KDM5A: variants seen among roughly 807,000 people sequenced by gnomAD.
KDM5A encodes the protein lysine demethylase 5A.
A neutral mutation model predicts 193.5 loss-of-function variants in KDM5A; 42 were observed. That is an observed-to-expected ratio of 0.22 (90% CI 0.17 to 0.28). KDM5A has a LOEUF of 0.28. KDM5A is among the 10% of genes least tolerant of loss of function. KDM5A has a pLI of 1.00. For synonymous variants in KDM5A, 796 were observed against 718.1 expected, an observed-to-expected ratio of 1.11 and a Z score of -1.73; for missense variants, 1,692 against 2,055.1, an observed-to-expected ratio of 0.82 and a Z score of 3.42.
chr12:349,699 CT>C (rs11452614), intron 10 of KDM5A, among the ~76,000 whole-genome samples: 6 of 147,208 alleles, frequency 4.1e-5, no homozygotes, highest in African/African-American at 9.9e-5. Flanking sequence ...ATTAAATTAG[CT>C]TTTTTTTTTT....
At chr12:312,294 C>T (rs1259461874) in intron 20 of KDM5A, among the ~76,000 whole-genome samples, 1 of 152,114 alleles carries the variant, frequency 6.6e-6, no homozygotes, top group Non-Finnish European at 1.5e-5. Flanking sequence ...CTTTTATACC[C>T]TATTTTGTAC....
At chr12:310,070 TTTC>T (rs1943564937) in intron 21 of KDM5A, 106 bp from the exon 22 acceptor site, 15 of 1,154,644 alleles carry the variant, frequency 1.3e-5, no homozygotes, top group Non-Finnish European at 1.7e-5. Context: ...TCCCACGCAC[TTTC>T]TTAAGGACTT....
intron 4 of KDM5A, among the ~76,000 whole-genome samples, chr12:364,208 A>G (rs1944323639): frequency 6.6e-6 from 1 of 152,222 alleles, no homozygotes; most frequent in Admixed American, 6.5e-5. Context: ...GCGGTGGCTC[A>G]CGCCTATAAT....
chr12:359,853 G>A (rs1295712945), intron 5 of KDM5A, among the ~76,000 whole-genome samples: 1 of 150,726 alleles, frequency 6.6e-6, no homozygotes, highest in Non-Finnish European at 1.5e-5. Flanking sequence ...AAGGAGGGAG[G>A]GAGGAAACAA....
At position 366,116 on chromosome 12, in the gene KDM5A, G is replaced by T; in HGVS notation, c.367-12C>A. ...TTGCTGGCAACAATCTGAAAAGAAA[G>T]TAAAAGTTGCTTAGAGAAAAAAGGC... On this transcript the variant is annotated splice_polypyrimidine_tract_variant and intron_variant, in intron 3 of 27. Coordinates refer to ENST00000399788, the MANE Select transcript of KDM5A (RefSeq NM_001042603.3). The T allele has an allele frequency of 2.5e-6, 4 of 1,613,430 alleles. No individual in the cohort carries two copies. The highest frequency in any genetic ancestry group is 3.4e-6 in the Non-Finnish European group (4 of 1,179,672).
intron 5 of KDM5A, among the ~76,000 whole-genome samples, chr12:357,587 T>C (rs1286854461): frequency 6.6e-6 from 1 of 151,748 alleles, no homozygotes; most frequent in Non-Finnish European, 1.5e-5. Context: ...CCCAGCACTT[T>C]GGGAGGCCGA....
Position 331,668 on chromosome 12 carries a change from T to A in KDM5A, c.1773+151A>T, listed in dbSNP as rs983804403. 5 of 754,406 alleles carry A rather than the reference T, an allele frequency of 6.6e-6. No individual in the cohort carries two copies. In the East Asian group the frequency reaches 1.0e-4, roughly 16 times the overall value. 46.7% of individuals were successfully genotyped at this position (754,406 alleles called of 1,614,324 possible). On this transcript the variant is annotated intron_variant, in intron 13 of 27. Transcript: ENST00000399788. Reference sequence around the variant, plus strand: ...ATAAAAAATGTGATGGAAATCTACTTAGCTTTCTAAACTACAATAGCCACT... The same window carrying A: ...ATAAAAAATGTGATGGAAATCTACTAAGCTTTCTAAACTACAATAGCCACT...
chr12:360,162 T>G (rs951218968), intron 5 of KDM5A, among the ~76,000 whole-genome samples: 1 of 151,858 alleles, frequency 6.6e-6, no homozygotes, highest in African/African-American at 2.4e-5. Flanking sequence ...TAATCCCAGC[T>G]ACTCAGGAGG....
Position 307,602 on chromosome 12 carries a change from C to T in KDM5A, c.3782G>A (p.Arg1261Gln), listed in dbSNP as rs769958812. ...TAGTTCATCTGTGGCTAGAGCCTGC[C>T]GCGCTCTATCTTGCCAACTCATAGC... ...ERAMSWQDRA[R>Q]QALATDELSS... The change falls in exon 23 of 28, where the codon CGG becomes CAG. Residue 1261 changes from arginine to glutamine, a missense_variant. Coordinates refer to ENST00000399788, the MANE Select transcript of KDM5A (RefSeq NM_001042603.3). The surrounding 1 kb of genome is among the most constrained non-coding windows in gnomAD (Gnocchi z 4.3). The T allele has an allele frequency of 7.4e-6, 12 of 1,614,016 alleles. No individual in the cohort carries two copies. The East Asian group carries it at 8.9e-5, about 12-fold the overall frequency.
intron 10 of KDM5A, among the ~76,000 whole-genome samples, chr12:340,551 T>C (rs934403822): frequency 6.6e-6 from 1 of 151,738 alleles, no homozygotes; most frequent in Non-Finnish European, 1.5e-5. Flanking sequence ...AAAAATTAGC[T>C]GGGCATGGTG....
At chr12:314,209 T>G (rs1943623316) in intron 19 of KDM5A, among the ~76,000 whole-genome samples, 1 of 151,990 alleles carries the variant, frequency 6.6e-6, no homozygotes, top group African/African-American at 2.4e-5. Context: ...AACCTTTCAT[T>G]TATTTCTTTT....
At chr12:336,842 A>G (rs1236617564) in intron 10 of KDM5A, among the ~76,000 whole-genome samples, 3 of 152,144 alleles carry the variant, frequency 2.0e-5, no homozygotes, top group African/African-American at 7.2e-5. Context: ...CTCAAAAAAA[A>G]AAAAAAAGTT....
At chr12:352,028 T>C (rs1266578951) in intron 9 of KDM5A, among the ~76,000 whole-genome samples, 177 bp downstream of exon 9, 1 of 133,244 alleles carries the variant, frequency 7.5e-6, no homozygotes, top group Non-Finnish European at 1.5e-5. Flanking sequence ...TACTTGAACC[T>C]GGGAGGCAGA....
rs547742289 is a variant in KDM5A, at chr12:354,301, C to T, written c.871-67G>A. 35 of 1,129,014 alleles carry T rather than the reference C, an allele frequency of 3.1e-5. No individual in the cohort carries two copies. In the South Asian group the frequency reaches 5.2e-4, roughly 17 times the overall value. The allele number at this position is 1,129,014 out of a possible 1,614,324, so 69.9% of individuals were successfully genotyped here. A position where few individuals can be genotyped will look rare whatever the true frequency, so the allele number is the denominator to read the frequency against. On this transcript the variant is annotated intron_variant, in intron 7 of 27. Transcript: ENST00000399788. ...AATAATAAATTTTTACCAGGAACTCCTTAGCTGAAATAAACAAAATAATGC... is the reference window on the plus strand; with the variant it reads ...AATAATAAATTTTTACCAGGAACTCTTTAGCTGAAATAAACAAAATAATGC...
intron 3 of KDM5A, among the ~76,000 whole-genome samples, chr12:370,752 C>T (rs1362887173): frequency 2.6e-5 from 4 of 152,182 alleles, no homozygotes; most frequent in South Asian, 2.1e-4. Context: ...TCTCCTAATG[C>T]TATCCCTCCC....
intron 6 of KDM5A, among the ~76,000 whole-genome samples, chr12:355,480 G>C (rs143813225): frequency 1.3e-5 from 2 of 152,138 alleles, no homozygotes; most frequent in Admixed American, 1.3e-4. Context: ...ATCCAGTCAC[G>C]TAAGATCCAG....
chr12:327,632 TG>T (rs1943808201), intron 14 of KDM5A, among the ~76,000 whole-genome samples: 1 of 152,052 alleles, frequency 6.6e-6, no homozygotes. Context: ...TCGCTGAACC[TG>T]GGAGGCGGAG....
chr12:315,010 T>C (rs952609917), intron 19 of KDM5A, among the ~76,000 whole-genome samples: 1 of 152,182 alleles, frequency 6.6e-6, no homozygotes, highest in East Asian at 1.9e-4. Flanking sequence ...GGAGTGAAAG[T>C]TACACCTGTA....
chr12:286,320 C>A, intron 27 of KDM5A: 1 of 382,614 alleles, frequency 2.6e-6, no homozygotes, highest in Non-Finnish European at 5.2e-6. Context: ...ATCTGAAAAA[C>A]TGATAGGTCA....
Sources: gnomAD v4.1 joint callset for allele counts (sites outside exome capture counted in the v4.1 genomes callset) on GRCh38, gnomAD v4.1.1 for gene constraint, Gnocchi (gnomAD v3.1) non-coding constraint, MANE v1.5 for transcripts, NCBI Gene and HGNC (gene_info 2026-07-23, HGNC 2026-07-21) for gene names.